The following CYS1 variants were observed in gnomAD, a reference collection of about 807,000 sequenced individuals.
The protein encoded by CYS1 is cystin-1.
Under a neutral mutation model 9.6 loss-of-function variants are expected in CYS1, and 5 were observed. That is an observed-to-expected ratio of 0.52 (90% CI 0.27 to 1.10). The LOEUF is 1.10. CYS1 is among the 50% of genes least tolerant of loss of function. The pLI is 0.11. For missense variants in CYS1, 221 were observed against 207.9 expected (o/e 1.06, Z -0.39); for synonymous variants, 88 against 95.7 (o/e 0.92, Z 0.47).
At chr2:10,079,017 G>C (rs555446830) in intron 1 of CYS1, among the ~76,000 whole-genome samples, 1 of 152,310 alleles carries the variant, frequency 6.6e-6, no homozygotes, top group East Asian at 1.9e-4. Context: ...ACTGCAGGCT[G>C]ATGTGGTATT....
chr2:10,072,254 T>C (rs546099035), intron 1 of CYS1, among the ~76,000 whole-genome samples: 1 of 152,316 alleles, frequency 6.6e-6, no homozygotes, highest in African/African-American at 2.4e-5. Context: ...GGCTAATTTT[T>C]GTATTTTTAG....
At chr2:10,079,868 C>T in intron 1 of CYS1, 38 bp downstream of exon 1, 4 of 1,081,570 alleles carry the variant, frequency 3.7e-6, no homozygotes, top group Non-Finnish European at 2.3e-6. Flanking sequence ...GAGTGGGGTC[C>T]CCGCCGTCCC....
At chr2:10,074,400 C>T (rs369994852) in intron 1 of CYS1, among the ~76,000 whole-genome samples, 12 of 152,350 alleles carry the variant, frequency 7.9e-5, no homozygotes, top group Admixed American at 5.2e-4. Flanking sequence ...TCCTCCTCCA[C>T]CTCTCACCTG....
intron 2 of CYS1, 126 bp downstream of exon 2, chr2:10,065,778 G>A: frequency 3.4e-6 from 3 of 876,560 alleles, no homozygotes; most frequent in Non-Finnish European, 3.8e-6. Flanking sequence ...GCATTTAGAG[G>A]GAGCTGCCTC....
At chr2:10,070,975 G>C (rs951944017) in intron 1 of CYS1, among the ~76,000 whole-genome samples, 20 of 151,160 alleles carry the variant, frequency 1.3e-4, no homozygotes, top group Admixed American at 1.3e-3. Context: ...TTGTTTGTTT[G>C]TTTTGTTTTG....
chr2:10,059,693 C>CA lies in CYS1; in HGVS notation c.372-736dup, dbSNP rs915250537. On this transcript the variant is annotated intron_variant, in intron 2 of 2. Transcript: ENST00000381813. ...TGAGTGACAAAGTAAGACTCTGTCT[C>CA]AAAAAAAATAAATAAAAAATAAAAG... Among the ~76,000 whole-genome samples, 30 of 151,898 alleles carry CA rather than the reference C, an allele frequency of 2.0e-4. No individual in the cohort carries two copies. In the East Asian group the frequency reaches 5.0e-3, roughly 25 times the overall value.
At chr2:10,062,814 G>A (rs189982755) in intron 2 of CYS1, among the ~76,000 whole-genome samples, 12 of 152,348 alleles carry the variant, frequency 7.9e-5, no homozygotes, top group Non-Finnish European at 1.3e-4. Context: ...CACCAATACC[G>A]TAATGTGTCT....
intron 1 of CYS1, among the ~76,000 whole-genome samples, chr2:10,077,802 T>C (rs1661875740): frequency 1.3e-5 from 2 of 151,722 alleles, no homozygotes; most frequent in African/African-American, 4.8e-5. Flanking sequence ...CAAGAAATAT[T>C]TATGGTGCAG....
chr2:10,079,331 G>C (rs916730096), intron 1 of CYS1, among the ~76,000 whole-genome samples: 2 of 152,200 alleles, frequency 1.3e-5, no homozygotes, highest in African/African-American at 4.8e-5. Context: ...TAAAGATCTT[G>C]TTCATTCAGC....
chr2:10,075,732 G>C (rs1455158411), intron 1 of CYS1, among the ~76,000 whole-genome samples: 7 of 152,158 alleles, frequency 4.6e-5, no homozygotes, highest in Non-Finnish European at 1.0e-4. Context: ...TTCCAAAAAT[G>C]GTGGATGACA....
At chr2:10,069,377 T>G (rs1274712214) in intron 1 of CYS1, among the ~76,000 whole-genome samples, 1 of 152,224 alleles carries the variant, frequency 6.6e-6, no homozygotes, top group Non-Finnish European at 1.5e-5. Context: ...TTGTTGTTGT[T>G]GTTGTTTTTT....
intron 2 of CYS1, among the ~76,000 whole-genome samples, chr2:10,061,642 G>A (rs1427556733): frequency 6.6e-6 from 1 of 152,252 alleles, no homozygotes; most frequent in Non-Finnish European, 1.5e-5. Flanking sequence ...GAATCTTGGG[G>A]AGAAAGGAGA....
intron 1 of CYS1, among the ~76,000 whole-genome samples, chr2:10,072,071 A>G (rs1215056885): frequency 6.6e-6 from 1 of 152,138 alleles, no homozygotes; most frequent in Admixed American, 6.5e-5. Context: ...CGTGAAAATT[A>G]AAGTTTCAAA....
chr2:10,059,706 TAAAAA>T (rs905284908), intron 2 of CYS1, among the ~76,000 whole-genome samples: 2 of 151,984 alleles, frequency 1.3e-5, no homozygotes, highest in African/African-American at 4.8e-5. Context: ...AAAAAATAAA[TAAAAA>T]ATAAAAGGGA....
At chr2:10,074,215 A>T (rs1661813252) in intron 1 of CYS1, among the ~76,000 whole-genome samples, 2 of 152,222 alleles carry the variant, frequency 1.3e-5, no homozygotes, top group African/African-American at 4.8e-5. Context: ...GTTGACAGGA[A>T]TTTCGGACAG....
At chr2:10,078,033 G>C (rs981319297) in intron 1 of CYS1, among the ~76,000 whole-genome samples, 2 of 151,832 alleles carry the variant, frequency 1.3e-5, no homozygotes, top group Non-Finnish European at 2.9e-5. Context: ...TTGAACCTGG[G>C]AGGCACAGGT....
chr2:10,073,213 C>A (rs1338878937), intron 1 of CYS1, among the ~76,000 whole-genome samples: 4 of 3,156 alleles, frequency 1.3e-3, no homozygotes, highest in South Asian at 0.017. Context: ...GGAACCGCCC[C>A]CCCCCCCCCC....
At chr2:10,068,268 T>C (rs1661721565) in intron 1 of CYS1, among the ~76,000 whole-genome samples, 1 of 152,256 alleles carries the variant, frequency 6.6e-6, no homozygotes, top group Non-Finnish European at 1.5e-5. Flanking sequence ...TAGCTGATTA[T>C]AGTCTGTGTC....
At position 10,059,914 on chromosome 2, in the gene CYS1, C is replaced by G. The variant is rs557050254; in HGVS notation, c.372-956G>C. 1.5e-3 allele frequency among the ~76,000 whole-genome samples: 229 copies of G among 152,364 alleles called. 1 individual carries two copies. Among genetic ancestry groups the G allele is most frequent in the African/African-American group, 5.4e-3 (224 of 41,590 alleles). ...GCCTGGGTTCCAGAAAGCGGCTGCG[C>G]CAGCCTGGACCCTGCTGGCTTGTCC... is the stretch of plus-strand genomic sequence containing the variant. On this transcript the variant is annotated intron_variant, in intron 2 of 2. Coordinates refer to ENST00000381813, the MANE Select transcript of CYS1 (RefSeq NM_001037160.3).
Sources: gnomAD v4.1 joint callset for allele counts (sites outside exome capture counted in the v4.1 genomes callset) on GRCh38, gnomAD v4.1.1 for gene constraint, MANE v1.5 for transcripts, NCBI Gene and HGNC (gene_info 2026-07-23, HGNC 2026-07-21) for gene names.